The following SLC35D4 variants were observed in gnomAD, a reference collection of about 807,000 sequenced individuals.
SLC35D4 encodes UDP-N-acetylglucosamine transporter SLC35D4.
At chr18:23,307,614 C>T in the SLC35D4 span, among the ~76,000 whole-genome samples, 98 of 152,278 alleles carry the variant, frequency 6.4e-4, no homozygotes, top group African/African-American at 2.1e-3. Flanking sequence ...ATGAGAGCTC[C>T]GAGGCCTGAG....
At chr18:23,254,022 C>T in the SLC35D4 span, 2 of 1,131,958 alleles carry the variant, frequency 1.8e-6, no homozygotes, top group Non-Finnish European at 2.6e-6. Flanking sequence ...AGTGACCCTG[C>T]CTGGAAGGAT....
chr18:23,399,452 A>AT, the SLC35D4 span: 1 of 945,524 alleles, frequency 1.1e-6, no homozygotes, highest in East Asian at 2.5e-5. Flanking sequence ...AATAGGTCCC[A>AT]TTATTATCAT....
At chr18:23,430,948 G>A in the SLC35D4 span, among the ~76,000 whole-genome samples, 4 of 151,998 alleles carry the variant, frequency 2.6e-5, no homozygotes, top group African/African-American at 9.7e-5. Flanking sequence ...AAGGTGAGGA[G>A]TTCGAGACCA....
the SLC35D4 span, among the ~76,000 whole-genome samples, chr18:23,392,663 C>T: frequency 5.3e-4 from 81 of 152,306 alleles, no homozygotes; most frequent in Non-Finnish European, 1.0e-3. Flanking sequence ...TCAGAGAAGG[C>T]CTAAGGGGGC....
At chr18:23,402,530 T>A in the SLC35D4 span, among the ~76,000 whole-genome samples, 1 of 152,188 alleles carries the variant, frequency 6.6e-6, no homozygotes, top group Non-Finnish European at 1.5e-5. Flanking sequence ...CTAGGCCAGG[T>A]GCAGTAACTC....
the SLC35D4 span, chr18:23,373,699 C>A: frequency 6.2e-7 from 1 of 1,613,512 alleles, no homozygotes; most frequent in South Asian, 1.1e-5. Flanking sequence ...CAAATGAGTT[C>A]ACTTGGACTT....
the SLC35D4 span, among the ~76,000 whole-genome samples, chr18:23,374,827 G>A: frequency 6.6e-6 from 1 of 152,072 alleles, no homozygotes; most frequent in East Asian, 1.9e-4. Context: ...ATAAAAGATA[G>A]TATTGTGCCA....
At chr18:23,358,319 T>C in the SLC35D4 span, among the ~76,000 whole-genome samples, 1 of 152,054 alleles carries the variant, frequency 6.6e-6, no homozygotes, top group Non-Finnish European at 1.5e-5. Context: ...CAGTCTTTCA[T>C]CAGAAATGCT....
chr18:23,310,415 C>A, the SLC35D4 span: 5 of 319,608 alleles, frequency 1.6e-5, no homozygotes, highest in Admixed American at 6.5e-5. Context: ...GGACTCAGAC[C>A]CCAGAAGTGC....
chr18:23,360,977 T>C, the SLC35D4 span, among the ~76,000 whole-genome samples: 4 of 151,280 alleles, frequency 2.6e-5, no homozygotes, highest in African/African-American at 9.7e-5. Context: ...TGGCGGGCAC[T>C]TGTAATCCTA....
chr18:23,351,180 G>A, the SLC35D4 span, among the ~76,000 whole-genome samples: 4 of 152,196 alleles, frequency 2.6e-5, no homozygotes, highest in Non-Finnish European at 4.4e-5. Flanking sequence ...GCTGAGGTGG[G>A]TGGATCATTT....
At chr18:23,268,670 GC>G in the SLC35D4 span, among the ~76,000 whole-genome samples, 1 of 152,142 alleles carries the variant, frequency 6.6e-6, no homozygotes, top group Non-Finnish European at 1.5e-5. Context: ...CGCTGGGGCA[GC>G]AGGACTAGGA....
chr18:23,297,776 G>A, the SLC35D4 span: 1 of 506,290 alleles, frequency 2.0e-6, no homozygotes, highest in Non-Finnish European at 3.6e-6. Flanking sequence ...CCTCTGCAGT[G>A]ACCTGCAGAC....
At chr18:23,393,355 A>C in the SLC35D4 span, among the ~76,000 whole-genome samples, 1 of 152,096 alleles carries the variant, frequency 6.6e-6, no homozygotes, top group South Asian at 2.1e-4. Context: ...CCACTGCCAG[A>C]ACTCTTTTCA....
the SLC35D4 span, among the ~76,000 whole-genome samples, chr18:23,274,900 A>C: frequency 6.6e-6 from 1 of 152,150 alleles, no homozygotes; most frequent in Non-Finnish European, 1.5e-5. Context: ...CAGGCGTGTG[A>C]ATGCGGGAGT....
chr18:23,356,380 G>A, the SLC35D4 span, among the ~76,000 whole-genome samples: 1 of 152,158 alleles, frequency 6.6e-6, no homozygotes, highest in Non-Finnish European at 1.5e-5. This position sits in a 1 kb window ranked among gnomAD's most constrained non-coding sequence, Gnocchi z 4.1. Flanking sequence ...GACTTCCATG[G>A]GCCAGGGGTC....
At chr18:23,390,825 G>A in the SLC35D4 span, among the ~76,000 whole-genome samples, 1 of 152,202 alleles carries the variant, frequency 6.6e-6, no homozygotes. Flanking sequence ...ATATGCAGAT[G>A]TGTCCTTAAC....
the SLC35D4 span, chr18:23,377,799 C>T: frequency 5.0e-6 from 4 of 796,468 alleles, no homozygotes; most frequent in African/African-American, 5.5e-5. Flanking sequence ...CAGCTTGCTG[C>T]ACTTTAGTAT....
At chr18:23,340,996 C>T in the SLC35D4 span, among the ~76,000 whole-genome samples, 1 of 152,236 alleles carries the variant, frequency 6.6e-6, no homozygotes, top group African/African-American at 2.4e-5. Flanking sequence ...GAGAAACTGA[C>T]TAGGAGAAAA....
Sources: allele counts gnomAD v4.1 joint callset (sites outside exome capture counted in the v4.1 genomes callset), GRCh38; gene constraint gnomAD v4.1.1; non-coding constraint Gnocchi (gnomAD v3.1); transcripts MANE v1.5; gene names NCBI Gene and HGNC (gene_info 2026-07-23, HGNC 2026-07-21).